Variants in PALD1 observed in about 807,000 individuals in gnomAD.
PALD1 encodes the protein phosphatase domain containing paladin 1.
A neutral mutation model predicts 96.0 loss-of-function variants in PALD1; 57 were observed. The ratio of observed to expected loss-of-function variants is 0.59; its 90% CI spans 0.48 to 0.74. The LOEUF is 0.74. Ranked by LOEUF, PALD1 falls within the 30% of genes least tolerant of loss-of-function variation. The pLI is 0.00. For missense variants in PALD1, 1,063 were observed against 1,143.7 expected, an observed-to-expected ratio of 0.93 and a Z score of 1.02; for synonymous variants, 464 against 473.6, an observed-to-expected ratio of 0.98 and a Z score of 0.26.
At chr10:70,533,171 T>C (rs899083217) in intron 7 of PALD1, 101 bp downstream of exon 7, 2 of 914,094 alleles carry the variant, frequency 2.2e-6, no homozygotes, top group Non-Finnish European at 3.5e-6. Context: ...AGAGGAAGGC[T>C]TCATTCTGTG....
chr10:70,535,680 T>TCTTCTCTTCCTC (rs1564701923), intron 10 of PALD1, among the ~76,000 whole-genome samples: 4 of 147,844 alleles, frequency 2.7e-5, no homozygotes, highest in Admixed American at 1.4e-4. Flanking sequence ...TCTCCTTTCT[T>TCTTCTCTTCCTC]CTCCTTTTTC....
the PALD1 span, among the ~76,000 whole-genome samples, chr10:70,463,228 A>AC: frequency 2.6e-5 from 4 of 151,868 alleles, no homozygotes; most frequent in African/African-American, 4.8e-5. Context: ...CACGGTGAAA[A>AC]CCCATCTCTA....
At chr10:70,506,539 A>G (rs1846395205) in intron 1 of PALD1, among the ~76,000 whole-genome samples, 1 of 152,130 alleles carries the variant, frequency 6.6e-6, no homozygotes, top group Non-Finnish European at 1.5e-5. Flanking sequence ...TGCTGCCATT[A>G]TTATCCTTTC....
In PALD1 at chr10:70,529,215, C is replaced by T; in HGVS notation, c.186-14C>T. On this transcript the variant is annotated splice_polypyrimidine_tract_variant and intron_variant, in intron 2 of 19. Coordinates refer to ENST00000263563, the MANE Select transcript of PALD1 (RefSeq NM_014431.3). ...TGACTCAGTTTCCATTCTGCCCCCC[C>T]CCCCCCCCCCCAGGTACAACTGCAA... The T allele has an allele frequency of 7.6e-6, 2 of 264,152 alleles. No homozygotes were observed. The highest frequency in any genetic ancestry group is 3.2e-5 in the South Asian group (1 of 31,190). The allele number at this position is 264,152 out of a possible 1,614,324, so 16.4% of individuals were successfully genotyped here.
chr10:70,547,014 A>G (rs570576254), intron 17 of PALD1, among the ~76,000 whole-genome samples: 22 of 152,356 alleles, frequency 1.4e-4, no homozygotes, highest in South Asian at 2.1e-4. Context: ...ATCATAATCC[A>G]TGCCTTTTTT....
At chr10:70,469,108 G>A in the PALD1 span, among the ~76,000 whole-genome samples, 1 of 152,128 alleles carries the variant, frequency 6.6e-6, no homozygotes, top group Admixed American at 6.5e-5. Context: ...GCATCGCTGG[G>A]GCCTCTGCCA....
the PALD1 span, among the ~76,000 whole-genome samples, chr10:70,467,320 G>A: frequency 6.6e-6 from 1 of 151,988 alleles, no homozygotes; most frequent in Non-Finnish European, 1.5e-5. Flanking sequence ...AGAAGCCTGG[G>A]GGTGGGGGTA....
chr10:70,539,036 C>G lies in PALD1; in HGVS notation c.1569+28C>G. On this transcript the variant is annotated intron_variant, in intron 13 of 19. Coordinates refer to ENST00000263563, the MANE Select transcript of PALD1 (RefSeq NM_014431.3). The surrounding 1 kb of genome is among the most constrained non-coding windows in gnomAD (Gnocchi z 4.5). ...GACCGGCCCTCAGGGCCTGGGTCCC[C>G]CAGTGGGTTTGGGGAGGGAGGGCTG... The G allele has an allele frequency of 6.2e-7, 1 of 1,613,572 alleles. No individual in the cohort carries two copies. Among genetic ancestry groups the G allele is most frequent in the Non-Finnish European group, 8.5e-7 (1 of 1,179,772 alleles).
intron 1 of PALD1, among the ~76,000 whole-genome samples, chr10:70,523,086 C>T (rs1169429096): frequency 6.6e-6 from 1 of 152,260 alleles, no homozygotes; most frequent in Non-Finnish European, 1.5e-5. Context: ...AAGGACATTG[C>T]TCTCCCACCC....
At chr10:70,533,275 G>T (rs545285208) in intron 7 of PALD1, among the ~76,000 whole-genome samples, 1 of 152,136 alleles carries the variant, frequency 6.6e-6, no homozygotes, top group South Asian at 2.1e-4. Context: ...TCTGTGGGGA[G>T]TGTGTGTACA....
At chr10:70,533,900 T>C in intron 7 of PALD1, 22 bp from the exon 8 acceptor site, 2 of 1,557,580 alleles carry the variant, frequency 1.3e-6, no homozygotes, top group Non-Finnish European at 1.7e-6. Context: ...CACTGGGGCC[T>C]GATCCTCATG....
At chr10:70,470,835 C>G in the PALD1 span, among the ~76,000 whole-genome samples, 1 of 151,156 alleles carries the variant, frequency 6.6e-6, no homozygotes, top group South Asian at 2.1e-4. Context: ...GAGTTTCACT[C>G]TTATTGTCCA....
chr10:70,483,190 G>C (rs900324813), intron 1 of PALD1, among the ~76,000 whole-genome samples: 3 of 152,108 alleles, frequency 2.0e-5, no homozygotes, highest in Non-Finnish European at 2.9e-5. Context: ...GGCTTTGAGG[G>C]ATGGCCAGGA....
intron 1 of PALD1, among the ~76,000 whole-genome samples, chr10:70,518,559 G>A (rs1428307028): frequency 6.6e-6 from 1 of 152,104 alleles, no homozygotes; most frequent in Non-Finnish European, 1.5e-5. Flanking sequence ...ACATGATCCC[G>A]AACATCTATT....
At chr10:70,516,512 G>A (rs1436374924) in intron 1 of PALD1, among the ~76,000 whole-genome samples, 1 of 152,100 alleles carries the variant, frequency 6.6e-6, no homozygotes, top group African/African-American at 2.4e-5. Flanking sequence ...TATATCAAAA[G>A]ATTATCATTT....
In PALD1 at chr10:70,564,275, C is replaced by T. The variant is rs547342873; in HGVS notation, c.2263-89C>T. ...TCAGCTCTGAGGCTGGATCACCCTG[C>T]CCTGGCACTCAGGGCAGCAGGGTGG... On this transcript the variant is annotated intron_variant, in intron 18 of 19. Coordinates refer to ENST00000263563, the MANE Select transcript of PALD1 (RefSeq NM_014431.3). 2.9e-6 allele frequency: 4 copies of T among 1,378,796 alleles called. No individual in the cohort carries two copies. The Admixed American group carries it at 6.5e-5, about 22-fold the overall frequency. 85.4% of individuals were successfully genotyped at this position (1,378,796 alleles called of 1,614,324 possible).
At chr10:70,459,918 G>A in the PALD1 span, among the ~76,000 whole-genome samples, 2 of 152,112 alleles carry the variant, frequency 1.3e-5, no homozygotes, top group Non-Finnish European at 2.9e-5. Flanking sequence ...GCAGTTGTCC[G>A]TGGTGCCTAC....
At chr10:70,481,945 G>C (rs1011679426) in intron 1 of PALD1, among the ~76,000 whole-genome samples, 5 of 152,182 alleles carry the variant, frequency 3.3e-5, no homozygotes, top group African/African-American at 1.2e-4. Flanking sequence ...TTTAGAGTGG[G>C]GTCAGTAACC....
chr10:70,484,738 C>T (rs1042528597), intron 1 of PALD1, among the ~76,000 whole-genome samples: 4 of 152,030 alleles, frequency 2.6e-5, no homozygotes, highest in South Asian at 2.1e-4. Context: ...GGGGTTTTGC[C>T]ATTTTGACCA....
Sources: allele counts gnomAD v4.1 joint callset (sites outside exome capture counted in the v4.1 genomes callset), GRCh38; gene constraint gnomAD v4.1.1; non-coding constraint Gnocchi (gnomAD v3.1); transcripts MANE v1.5; gene names NCBI Gene and HGNC (gene_info 2026-07-23, HGNC 2026-07-21).